Variants in MMEL1 observed in about 807,000 individuals in gnomAD.
MMEL1 encodes membrane metallo-endopeptidase-like 1.
A neutral mutation model predicts 117.1 loss-of-function variants in MMEL1; 98 were observed. The observed-to-expected ratio is 0.84, with a 90% confidence interval of 0.71 to 0.99. The LOEUF (loss-of-function observed/expected upper bound fraction) is 0.99. Ranked by LOEUF, MMEL1 falls within the 50% of genes least tolerant of loss-of-function variation. The pLI is 0.00. For missense variants in MMEL1, 1,014 were observed against 1,049.1 expected (o/e 0.97, Z 0.46); for synonymous variants, 390 against 415.1 (o/e 0.94, Z 0.74).
At chr1:2,630,898 C>T (rs969801531) in intron 1 of MMEL1, among the ~76,000 whole-genome samples, 5 of 148,420 alleles carry the variant, frequency 3.4e-5, no homozygotes, top group Non-Finnish European at 4.4e-5. Context: ...GCATTGTGTG[C>T]GTGTGCTCTT....
At position 2,604,128 on chromosome 1, in the gene MMEL1, C is replaced by T; in HGVS notation, c.951+19G>A. 1.4e-6 allele frequency: 2 copies of T among 1,470,590 alleles called. No individual in the cohort carries two copies. The highest frequency in any genetic ancestry group is 1.9e-6 in the Non-Finnish European group (2 of 1,058,224). The allele number at this position is 1,470,590 out of a possible 1,614,324, so 91.1% of individuals were successfully genotyped here. ...CAGCCCACTCGCTGCCCGCTCCCCA[C>T]CCGCCCCGGCCCCCTTACCTTGGCC... is the stretch of plus-strand genomic sequence containing the variant. On this transcript the variant is annotated intron_variant, in intron 10 of 23. Transcript: ENST00000378412.
In MMEL1 at chr1:2,629,334, T is replaced by A; in HGVS notation, c.151A>T (p.Arg51Ter). The part of the protein sequence containing the change: ...VALGVLYADR[R>*]GKQLPRLASR... ...GGGGCGGGGCACCCGCACTCACCTC[T>A]GCGGTCGGCGTAGAGGACACCCAAG... The change falls in exon 2 of 24, where the codon AGA becomes TGA. Residue 51 changes from arginine to a stop codon, truncating the protein, a stop_gained. Coordinates refer to ENST00000378412, the MANE Select transcript of MMEL1 (RefSeq NM_033467.4). LOFTEE classifies it high-confidence loss of function. The A allele has an allele frequency of 6.5e-7, 1 of 1,536,698 alleles. No individual in the cohort carries two copies. Among genetic ancestry groups the A allele is most frequent in the South Asian group, 1.2e-5 (1 of 83,732 alleles).
intron 6 of MMEL1, among the ~76,000 whole-genome samples, chr1:2,607,780 G>A (rs1645053784): frequency 6.6e-6 from 1 of 152,082 alleles, no homozygotes; most frequent in Non-Finnish European, 1.5e-5. Context: ...TGGGGAGGCT[G>A]TGGCGGGCTC....
chr1:2,617,981 A>G (rs1213846245), intron 2 of MMEL1, among the ~76,000 whole-genome samples: 2 of 152,200 alleles, frequency 1.3e-5, no homozygotes, highest in Non-Finnish European at 2.9e-5. Context: ...GTAATATGCC[A>G]ATCATTTTGA....
chr1:2,613,891 TG>T (rs1285349890), intron 2 of MMEL1, among the ~76,000 whole-genome samples: 6 of 152,138 alleles, frequency 3.9e-5, no homozygotes, highest in African/African-American at 1.4e-4. Flanking sequence ...CAAAAAACTA[TG>T]AGCTACATAC....
chr1:2,605,883 G>A (rs994300271), intron 8 of MMEL1, among the ~76,000 whole-genome samples: 2 of 152,158 alleles, frequency 1.3e-5, no homozygotes, highest in African/African-American at 4.8e-5. Context: ...CAGCACCCGC[G>A]GCTCCCCCAG....
intron 1 of MMEL1, chr1:2,632,573 G>A (rs11486042): frequency 0.31 from 54,101 of 174,166 alleles, 11,287 homozygotes; most frequent in African/African-American, 0.58. Flanking sequence ...CCAAGTACCC[G>A]GGGCAGGTGT....
chr1:2,625,925 C>T (rs911205005), intron 2 of MMEL1, among the ~76,000 whole-genome samples: 1 of 121,840 alleles, frequency 8.2e-6, no homozygotes, highest in Admixed American at 8.4e-5. Context: ...TTCCCTATGA[C>T]CAGTGGACAG....
chr1:2,609,878 G>C lies in MMEL1; in HGVS notation c.293-47C>G, dbSNP rs1306847492. ...AGCAGGGAGAGGGGAGACAGAGAGAGTTGTGGACAGCCCAGAAGCCTGTCT... is the reference window on the plus strand; with the variant it reads ...AGCAGGGAGAGGGGAGACAGAGAGACTTGTGGACAGCCCAGAAGCCTGTCT... On this transcript the variant is annotated intron_variant, in intron 4 of 23. Transcript: ENST00000378412. The C allele has an allele frequency of 2.6e-6, 4 of 1,564,676 alleles. No individual in the cohort carries two copies. In the South Asian group the frequency reaches 3.7e-5, roughly 14 times the overall value.
chr1:2,625,864 C>T (rs542671607), intron 2 of MMEL1, among the ~76,000 whole-genome samples: 6 of 152,306 alleles, frequency 3.9e-5, no homozygotes, highest in Non-Finnish European at 8.8e-5. Flanking sequence ...GTCTTCACTC[C>T]TCCCACCCTG....
rs749514515 is a variant in MMEL1 at position 2,603,943 on chromosome 1, C to T, written c.982G>A (p.Val328Ile). 24 of 1,613,812 alleles carry T rather than the reference C, an allele frequency of 1.5e-5. No individual in the cohort carries two copies. Among genetic ancestry groups the T allele is most frequent in the South Asian group, 4.4e-5 (4 of 91,092 alleles). The change falls in exon 11 of 24, where the codon GTC becomes ATC. Residue 328 changes from valine (V) to isoleucine (I), a missense_variant. Physicochemically the swap from Val to Ile is conservative, Grantham distance 29. Transcript: ENST00000378412. ...CCCATCCGGTGGTACAAGGCGATGA[C>T]GTCGTGTCTCTCCTCCTGGGGTACC... The part of the protein sequence containing the change: ...ATVPQEERHD[V>I]IALYHRMGLE...
chr1:2,594,555 AG>A, intron 17 of MMEL1, 112 bp from the exon 18 acceptor site: 6 of 1,308,436 alleles, frequency 4.6e-6, no homozygotes, highest in Non-Finnish European at 5.4e-6. Flanking sequence ...GCAAGGGCCC[AG>A]GCCTATCCCA....
chr1:2,596,260 G>C (rs1477737833), intron 14 of MMEL1, among the ~76,000 whole-genome samples, 153 bp from the exon 15 acceptor site: 2 of 152,130 alleles, frequency 1.3e-5, no homozygotes, highest in Non-Finnish European at 2.9e-5. Flanking sequence ...GGGGCCGGTG[G>C]GGGGATGAGA....
At chr1:2,593,739 C>T (rs530175857) in intron 19 of MMEL1, 75 bp downstream of exon 19, 38 of 1,471,214 alleles carry the variant, frequency 2.6e-5, no homozygotes, top group Middle Eastern at 2.0e-4. Flanking sequence ...TTGAATGGAG[C>T]GCCCCCAGGC....
At chr1:2,596,200 C>G in intron 14 of MMEL1, 93 bp from the exon 15 acceptor site, 1 of 1,228,050 alleles carries the variant, frequency 8.1e-7, no homozygotes, top group Non-Finnish European at 1.2e-6. Flanking sequence ...CTGAGCCCCG[C>G]CGGGGCAAGG....
At chr1:2,599,928 A>T (rs1422373204) in intron 11 of MMEL1, among the ~76,000 whole-genome samples, 1 of 152,154 alleles carries the variant, frequency 6.6e-6, no homozygotes, top group Non-Finnish European at 1.5e-5. Flanking sequence ...TGTATGAAGC[A>T]GCAGAAGCAA....
intron 9 of MMEL1, among the ~76,000 whole-genome samples, chr1:2,604,884 G>A (rs868271785): frequency 1.3e-5 from 2 of 152,140 alleles, no homozygotes; most frequent in African/African-American, 4.8e-5. Flanking sequence ...CTGCTCTGGC[G>A]TGGTTCTCTC....
intron 2 of MMEL1, among the ~76,000 whole-genome samples, chr1:2,629,082 C>A (rs1216019798): frequency 6.6e-6 from 1 of 151,882 alleles, no homozygotes; most frequent in Admixed American, 6.5e-5. Flanking sequence ...GCAGAAGCAG[C>A]GCGCGGGAGT....
intron 1 of MMEL1, among the ~76,000 whole-genome samples, chr1:2,630,383 A>T (rs1012866112): frequency 1.3e-5 from 2 of 151,950 alleles, no homozygotes; most frequent in Non-Finnish European, 2.9e-5. Context: ...CTGATGTATG[A>T]TCGTGTACAC....
Sources: gnomAD v4.1 joint callset for allele counts (sites outside exome capture counted in the v4.1 genomes callset) on GRCh38, gnomAD v4.1.1 for gene constraint, MANE v1.5 for transcripts, NCBI Gene and HGNC (gene_info 2026-07-23, HGNC 2026-07-21) for gene names.